Variants in IFRD1 observed in about 807,000 individuals in gnomAD.
IFRD1 encodes the protein interferon related developmental regulator 1.
A neutral mutation model predicts 52.9 loss-of-function variants in IFRD1; 35 were observed. The observed-to-expected ratio is 0.66, with a 90% CI of 0.51 to 0.88. The LOEUF (loss-of-function observed/expected upper bound fraction) is 0.88, where lower values mean the gene tolerates loss of function less well. Ranked by LOEUF, IFRD1 falls within the 40% of genes least tolerant of loss-of-function variation. The pLI, the probability that IFRD1 is intolerant of heterozygous loss-of-function variation, is 0.00. For synonymous variants in IFRD1, 184 were observed against 188.4 expected (o/e 0.98, Z 0.19); for missense variants, 517 against 550.8 (o/e 0.94, Z 0.61).
Position 112,451,121 on chromosome 7 carries a change from A to G in IFRD1, c.94+339A>G. On this transcript the variant is annotated intron_variant, in intron 1 of 11. Coordinates refer to ENST00000403825, the MANE Select transcript of IFRD1 (RefSeq NM_001550.4). ...CCTTTCTCGGCGGCGATCTCGCCCG[A>G]TCTCTCCCCGACCACGGGTGGGGAA... 3 of 285,568 alleles carry G rather than the reference A, an allele frequency of 1.1e-5. No homozygotes were observed. In the South Asian group the frequency reaches 1.1e-4, roughly 10 times the overall value. 17.7% of individuals were successfully genotyped at this position (285,568 alleles called of 1,614,324 possible). A position where few individuals can be genotyped will look rare whatever the true frequency, so the allele number is the denominator to read the frequency against.
upstream of IFRD1, chr7:112,450,225 C>T (rs546275653): frequency 3.3e-4 from 56 of 167,894 alleles, no homozygotes; most frequent in Admixed American, 7.5e-4. Flanking sequence ...GGAGGAGGCC[C>T]CGGCCCCAGC....
intron 8 of IFRD1, among the ~76,000 whole-genome samples, chr7:112,462,769 A>G (rs1428242962): frequency 6.6e-6 from 1 of 152,178 alleles, no homozygotes; most frequent in Non-Finnish European, 1.5e-5. Context: ...TTAAGTCAGC[A>G]TAGGTTTGGG....
At chr7:112,441,762 C>A (rs1267019249) in intron 1 of IFRD1, among the ~76,000 whole-genome samples, 2 of 152,188 alleles carry the variant, frequency 1.3e-5, no homozygotes, top group Non-Finnish European at 2.9e-5. Context: ...GCTGAGCTCT[C>A]GTGCTAGACT....
intron 1 of IFRD1, 43 bp downstream of exon 1, chr7:112,450,825 G>T (rs1795140120): frequency 1.4e-6 from 2 of 1,388,270 alleles, no homozygotes; most frequent in Admixed American, 1.7e-5. Flanking sequence ...TGCCGGCCAG[G>T]CTGGCGAGTC....
At chr7:112,464,060 A>T (rs1795546319) in intron 8 of IFRD1, among the ~76,000 whole-genome samples, 1 of 146,394 alleles carries the variant, frequency 6.8e-6, no homozygotes, top group Non-Finnish European at 1.5e-5. Context: ...TTTTAAAATA[A>T]GCTTTTTATA....
chr7:112,470,912 G>T (rs1482608760), intron 9 of IFRD1, among the ~76,000 whole-genome samples: 1 of 152,158 alleles, frequency 6.6e-6, no homozygotes, highest in Non-Finnish European at 1.5e-5. Flanking sequence ...ATGGTTGGTT[G>T]AATCCGTGAT....
At chr7:112,471,510 A>C (rs571099822) in intron 9 of IFRD1, among the ~76,000 whole-genome samples, 6 of 151,330 alleles carry the variant, frequency 4.0e-5, no homozygotes, top group African/African-American at 1.5e-4. Flanking sequence ...ACTCTGACAT[A>C]CTCATGATTT....
intron 11 of IFRD1, among the ~76,000 whole-genome samples, chr7:112,473,242 T>G (rs1563273534): frequency 6.6e-6 from 1 of 152,158 alleles, no homozygotes; most frequent in African/African-American, 2.4e-5. Context: ...AATTCTATCT[T>G]AATATAGGAA....
At chr7:112,448,138 A>AAAG (rs1371362471), upstream of IFRD1, among the ~76,000 whole-genome samples, 1 of 151,470 alleles carries the variant, frequency 6.6e-6, no homozygotes, top group Non-Finnish European at 1.5e-5. Flanking sequence ...AAAAAAAAAA[A>AAAG]AAAAGAAAGA....
intron 5 of IFRD1, among the ~76,000 whole-genome samples, chr7:112,460,908 T>G (rs1795417900): frequency 6.6e-6 from 1 of 152,174 alleles, no homozygotes; most frequent in Non-Finnish European, 1.5e-5. Context: ...AAATCTCAGA[T>G]TACAAATTCT....
At chr7:112,425,100 G>A (rs531086646) in intron 1 of IFRD1, among the ~76,000 whole-genome samples, 1 of 152,114 alleles carries the variant, frequency 6.6e-6, no homozygotes, top group Non-Finnish European at 1.5e-5. Flanking sequence ...CAAACTCCTG[G>A]GCTCAAGCAA....
intron 1 of IFRD1, among the ~76,000 whole-genome samples, chr7:112,437,505 C>T (rs6969475): frequency 5.3e-5 from 8 of 152,012 alleles, no homozygotes; most frequent in African/African-American, 1.7e-4. Context: ...AGAAGTACTA[C>T]TGATTAGTGC....
intron 4 of IFRD1, chr7:112,457,422 C>T (rs1035817016): frequency 7.4e-6 from 2 of 268,918 alleles, no homozygotes; most frequent in Admixed American, 9.8e-5. Flanking sequence ...TTCAGGATAT[C>T]CCTTGGAATA....
chr7:112,431,200 G>C (rs909360972), intron 1 of IFRD1, among the ~76,000 whole-genome samples: 1 of 152,186 alleles, frequency 6.6e-6, no homozygotes. Flanking sequence ...GGAGGTTTCT[G>C]TCTTGCTCTT....
At chr7:112,472,921 T>C (rs955776832) in intron 11 of IFRD1, 60 bp downstream of exon 11, 2 of 1,135,292 alleles carry the variant, frequency 1.8e-6, no homozygotes, top group African/African-American at 3.0e-5. Context: ...TTCTGTCTAG[T>C]GTCAGCAACT....
intron 1 of IFRD1, among the ~76,000 whole-genome samples, chr7:112,440,799 T>C (rs1436951832): frequency 6.6e-6 from 1 of 152,078 alleles, no homozygotes; most frequent in Non-Finnish European, 1.5e-5. Context: ...TTGCAAGAAA[T>C]AAAAACTGAC....
chr7:112,424,924 G>A (rs541020171), intron 1 of IFRD1, among the ~76,000 whole-genome samples: 19 of 152,284 alleles, frequency 1.2e-4, no homozygotes, highest in South Asian at 2.1e-4. Flanking sequence ...GGTCTAAGAT[G>A]TGGTCAATTC....
chr7:112,448,839 T>G (rs954395716), upstream of IFRD1, among the ~76,000 whole-genome samples: 9 of 152,176 alleles, frequency 5.9e-5, no homozygotes, highest in Non-Finnish European at 1.0e-4. Context: ...TGGATAAAAT[T>G]TCTTAAGGTG....
chr7:112,455,467 A>T (rs1010645553), intron 1 of IFRD1, among the ~76,000 whole-genome samples: 1 of 151,750 alleles, frequency 6.6e-6, no homozygotes, highest in East Asian at 2.0e-4. Context: ...CCAGGGCGAC[A>T]GGGAGGCTCT....
Sources: allele counts gnomAD v4.1 joint callset (sites outside exome capture counted in the v4.1 genomes callset), GRCh38; gene constraint gnomAD v4.1.1; transcripts MANE v1.5; gene names NCBI Gene and HGNC (gene_info 2026-07-23, HGNC 2026-07-21).